EDIL3: variants seen among roughly 807,000 people sequenced by gnomAD.
EDIL3 encodes the protein EGF like and discoidin domains 3.
In EDIL3, 37 loss-of-function variants were observed where a neutral mutation model predicts 67.4. The observed-to-expected ratio is 0.55, with a 90% CI of 0.42 to 0.72. EDIL3 has a LOEUF of 0.72. Ranked by LOEUF, EDIL3 falls within the 30% of genes least tolerant of loss-of-function variation. EDIL3 has a pLI of 0.00. For synonymous variants in EDIL3, 195 were observed against 196.3 expected (o/e 0.99, Z 0.05); for missense variants, 527 against 586.3 (o/e 0.90, Z 1.04).
intron 5 of EDIL3, among the ~76,000 whole-genome samples, chr5:84,107,975 C>A (rs1747493041): frequency 6.6e-6 from 1 of 150,788 alleles, no homozygotes; most frequent in Non-Finnish European, 1.5e-5. Flanking sequence ...AAATATACTA[C>A]AATAATTTAT....
At chr5:84,174,356 TA>T (rs1748863317) in intron 4 of EDIL3, among the ~76,000 whole-genome samples, 1 of 152,096 alleles carries the variant, frequency 6.6e-6, no homozygotes, top group Non-Finnish European at 1.5e-5. Context: ...ATTGGACAAA[TA>T]AGAATAGGCT....
intron 10 of EDIL3, among the ~76,000 whole-genome samples, chr5:83,954,188 G>A (rs371389447): frequency 1.0e-4 from 14 of 139,164 alleles, no homozygotes; most frequent in African/African-American, 3.3e-4. Context: ...AAGTCCTTGA[G>A]CATTTTTTTT....
intron 9 of EDIL3, among the ~76,000 whole-genome samples, chr5:84,004,477 CTCAGA>C: frequency 6.6e-6 from 1 of 152,076 alleles, no homozygotes; most frequent in Admixed American, 6.6e-5. Context: ...CAAACATACT[CTCAGA>C]TCAAAGTGTA....
chr5:84,352,906 A>T (rs1298381731), intron 1 of EDIL3, among the ~76,000 whole-genome samples: 3 of 152,308 alleles, frequency 2.0e-5, no homozygotes, highest in East Asian at 3.9e-4. Flanking sequence ...ACCATAGGAG[A>T]TGGCATGTTA....
At chr5:83,961,589 C>A (rs937361929) in intron 10 of EDIL3, among the ~76,000 whole-genome samples, 2 of 151,116 alleles carry the variant, frequency 1.3e-5, no homozygotes, top group African/African-American at 2.4e-5. Flanking sequence ...AATAGACGTG[C>A]TGTTTACTGA....
chr5:83,956,597 A>G (rs1744517571), intron 10 of EDIL3, among the ~76,000 whole-genome samples: 1 of 151,778 alleles, frequency 6.6e-6, no homozygotes, highest in Non-Finnish European at 1.5e-5. Context: ...CTGTACTTAG[A>G]TATTTCCTGA....
intron 1 of EDIL3, among the ~76,000 whole-genome samples, chr5:84,379,819 A>G (rs532794499): frequency 2.0e-5 from 3 of 152,206 alleles, no homozygotes; most frequent in African/African-American, 7.2e-5. Flanking sequence ...TTAGTTTCGT[A>G]AAGAGTAGAA....
chr5:84,265,694 G>C (rs1745334137), intron 1 of EDIL3, among the ~76,000 whole-genome samples: 1 of 152,168 alleles, frequency 6.6e-6, no homozygotes, highest in Admixed American at 6.5e-5. Flanking sequence ...AAATCACTTT[G>C]ATAAGGCACC....
chr5:84,290,067 AT>A (rs1016737029), intron 1 of EDIL3, among the ~76,000 whole-genome samples: 31 of 152,164 alleles, frequency 2.0e-4, no homozygotes, highest in African/African-American at 7.2e-4. Context: ...CAAAACATTA[AT>A]TTCCCCAGCC....
At chr5:83,974,534 G>A (rs1306957279) in intron 9 of EDIL3, among the ~76,000 whole-genome samples, 3 of 151,912 alleles carry the variant, frequency 2.0e-5, no homozygotes, top group African/African-American at 7.2e-5. Flanking sequence ...AGGAATAAAA[G>A]GGATACGAAT....
chr5:84,290,056 A>G (rs1745882269), intron 1 of EDIL3, among the ~76,000 whole-genome samples: 2 of 152,170 alleles, frequency 1.3e-5, no homozygotes, highest in Admixed American at 6.5e-5. Context: ...TCCTTCAGGA[A>G]CAAAACATTA....
chr5:84,267,689 A>G (rs377623110), intron 1 of EDIL3, among the ~76,000 whole-genome samples: 1 of 152,234 alleles, frequency 6.6e-6, no homozygotes, highest in East Asian at 1.9e-4. Context: ...AAGGGATTTC[A>G]TACATACATT....
intron 4 of EDIL3, among the ~76,000 whole-genome samples, chr5:84,147,344 T>C (rs759725892): frequency 6.6e-6 from 1 of 152,086 alleles, no homozygotes; most frequent in Non-Finnish European, 1.5e-5. Context: ...GTGTTGGAAA[T>C]AAAAGCATCA....
chr5:84,360,121 C>T (rs113255818), intron 1 of EDIL3, among the ~76,000 whole-genome samples: 3 of 152,050 alleles, frequency 2.0e-5, no homozygotes, highest in Non-Finnish European at 2.9e-5. Flanking sequence ...AAACTACTAC[C>T]GAGTGGGAGC....
At position 84,107,859 on chromosome 5, in the gene EDIL3, T is replaced by C. The variant is rs112015682; in HGVS notation, c.470-1029A>G. On this transcript the variant is annotated intron_variant, in intron 5 of 10. Coordinates refer to ENST00000296591, the MANE Select transcript of EDIL3 (RefSeq NM_005711.5). ...TTTGAAAATTCAGAATAAGTAGGGA[T>C]ATGATATAAGGAAAAGATGTTCTTA... Among the ~76,000 whole-genome samples, 397 of 150,972 alleles carry C rather than the reference T, an allele frequency of 2.6e-3. 4 individuals carry two copies. Among genetic ancestry groups the C allele is most frequent in the African/African-American group, 8.6e-3 (356 of 41,448 alleles).
chr5:84,139,574 G>A (rs1341620537), intron 4 of EDIL3, among the ~76,000 whole-genome samples: 1 of 152,048 alleles, frequency 6.6e-6, no homozygotes. Context: ...GGCTACCTTG[G>A]AACATGCCCA....
rs182445607 is a variant in EDIL3, at chr5:84,254,947, T to C, written c.68-735A>G. ...GCTAGAAAAATGGCTACCCATTTTA[T>C]GTAGTGTGTAACAATTGATAAAGCT... On this transcript the variant is annotated intron_variant, in intron 1 of 10. Transcript: ENST00000296591. Among the ~76,000 whole-genome samples the C allele has an allele frequency of 2.5e-3, 376 of 152,298 alleles. 1 individual carries two copies. The highest frequency in any genetic ancestry group is 8.4e-3 in the African/African-American group (349 of 41,566).
At chr5:84,005,681 T>C (rs577987990) in intron 9 of EDIL3, among the ~76,000 whole-genome samples, 2 of 151,898 alleles carry the variant, frequency 1.3e-5, no homozygotes, top group Non-Finnish European at 2.9e-5. Flanking sequence ...CCTCAAATAA[T>C]AAGAACGATA....
intron 9 of EDIL3, among the ~76,000 whole-genome samples, chr5:83,992,281 T>C (rs1745163842): frequency 6.6e-6 from 1 of 152,172 alleles, no homozygotes; most frequent in South Asian, 2.1e-4. Context: ...CAAAAGTCTA[T>C]TTCATGAACT....
Sources: allele counts gnomAD v4.1 joint callset (sites outside exome capture counted in the v4.1 genomes callset), GRCh38; gene constraint gnomAD v4.1.1; transcripts MANE v1.5; gene names NCBI Gene and HGNC (gene_info 2026-07-23, HGNC 2026-07-21).